The following FOXP1 variants were observed in gnomAD, a reference collection of about 807,000 sequenced individuals.
FOXP1 encodes the protein forkhead box protein P1.
FOXP1 carries 15 observed loss-of-function variants against 98.2 expected under a neutral mutation model. The observed-to-expected ratio is 0.15, with a 90% CI of 0.10 to 0.24. The LOEUF (loss-of-function observed/expected upper bound fraction) is 0.24. Among genes scored for constraint, FOXP1 ranks in the 10% least tolerant of loss-of-function variants. The probability of loss-of-function intolerance (pLI) is 1.00; values close to 1 mark genes in which losing one functional copy is unlikely to be tolerated. For synonymous variants in FOXP1, 371 were observed against 314.5 expected (o/e 1.18, Z -1.90); for missense variants, 633 against 848.5 (o/e 0.75, Z 3.15).
chr3:71,086,091 G>C (rs1466662707), intron 7 of FOXP1, among the ~76,000 whole-genome samples: 1 of 152,138 alleles, frequency 6.6e-6, no homozygotes, highest in Non-Finnish European at 1.5e-5. Flanking sequence ...GGCAGGTCAC[G>C]ATTCAAACAT....
At chr3:71,359,579 C>CG (rs2078408511) in intron 3 of FOXP1, among the ~76,000 whole-genome samples, 1 of 152,126 alleles carries the variant, frequency 6.6e-6, no homozygotes, top group Non-Finnish European at 1.5e-5. Flanking sequence ...GACAGGGTCT[C>CG]GCTCTGCCAC....
chr3:71,055,643 G>T (rs1031943553), intron 7 of FOXP1, among the ~76,000 whole-genome samples: 3 of 152,164 alleles, frequency 2.0e-5, no homozygotes, highest in Non-Finnish European at 2.9e-5. Context: ...ATTCCAGTTA[G>T]TCTACTTTGT....
rs1489887205 is a variant in FOXP1 at position 71,299,814 on chromosome 3, A to C, written c.-12+6T>G. On this transcript the variant is annotated splice_donor_region_variant and intron_variant, in intron 5 of 20. Transcript: ENST00000649528. ...ATATAACTTCACTAATCACATTTGCATTTACCTTTTTTGGCTTCTGTAAAG... is the reference window on the plus strand; with the variant it reads ...ATATAACTTCACTAATCACATTTGCCTTTACCTTTTTTGGCTTCTGTAAAG... 1 of 152,686 alleles carries C rather than the reference A, an allele frequency of 6.5e-6. No homozygotes were observed. The highest frequency in any genetic ancestry group is 2.4e-5 in the African/African-American group (1 of 41,472). 9.5% of individuals were successfully genotyped at this position (152,686 alleles called of 1,614,324 possible).
At chr3:71,041,207 T>C in intron 11 of FOXP1, 121 bp downstream of exon 11, 1 of 800,400 alleles carries the variant, frequency 1.2e-6, no homozygotes, top group Non-Finnish European at 2.2e-6. Flanking sequence ...TCCTCAGTAA[T>C]TATATGCACA....
chr3:71,126,515 A>G lies in FOXP1; in HGVS notation c.181-13878T>C, dbSNP rs532342137. Reference sequence around the variant, plus strand: ...AAAAAATAATCAAATAAATAAAAATAAAAAGAAAAGAAAAGAAATTTTCTT... The same window carrying G: ...AAAAAATAATCAAATAAATAAAAATGAAAAGAAAAGAAAAGAAATTTTCTT... On this transcript the variant is annotated intron_variant, in intron 6 of 20. Coordinates refer to ENST00000649528, the MANE Select transcript of FOXP1 (RefSeq NM_001349338.3). 1.7e-4 allele frequency among the ~76,000 whole-genome samples: 25 copies of G among 151,468 alleles called. No homozygotes were observed. The South Asian group carries it at 2.5e-3, about 15-fold the overall frequency.
chr3:71,288,305 A>C (rs946947197), intron 5 of FOXP1: 1 of 152,196 alleles, frequency 6.6e-6, no homozygotes, highest in Non-Finnish European at 1.5e-5. Flanking sequence ...TGTTTTTGTA[A>C]TTAACCTACC....
intron 4 of FOXP1, among the ~76,000 whole-genome samples, chr3:71,315,964 T>C (rs2075051286): frequency 6.6e-6 from 1 of 152,162 alleles, no homozygotes. Context: ...TTTAACCAAC[T>C]CTGGTTTGAA....
intron 7 of FOXP1, chr3:71,064,774 A>G (rs1450778930): frequency 1.0e-6 from 1 of 984,128 alleles, no homozygotes; most frequent in Non-Finnish European, 1.2e-6. Flanking sequence ...GGCGCCGCGG[A>G]GCCGGGGGAA....
chr3:71,087,932 G>A (rs2055315412), intron 7 of FOXP1, among the ~76,000 whole-genome samples: 1 of 152,164 alleles, frequency 6.6e-6, no homozygotes, highest in Non-Finnish European at 1.5e-5. Context: ...TGTGGGGAGA[G>A]AAAGGGGAAA....
At chr3:71,395,551 G>T (rs900776860) in intron 3 of FOXP1, among the ~76,000 whole-genome samples, 1 of 151,482 alleles carries the variant, frequency 6.6e-6, no homozygotes, top group African/African-American at 2.4e-5. Context: ...ACTGGCCCAG[G>T]GGCACTCCTT....
chr3:71,533,990 T>G (rs2044076886), intron 2 of FOXP1, among the ~76,000 whole-genome samples: 1 of 152,188 alleles, frequency 6.6e-6, no homozygotes, highest in Non-Finnish European at 1.5e-5. Flanking sequence ...GTTGTCCGTC[T>G]GTATATTGGG....
At chr3:71,286,748 T>C (rs1576775078) in intron 5 of FOXP1, among the ~76,000 whole-genome samples, 2 of 152,158 alleles carry the variant, frequency 1.3e-5, no homozygotes, top group South Asian at 4.1e-4. Flanking sequence ...TGTCTAGAAA[T>C]GTTGTCATCA....
intron 6 of FOXP1, among the ~76,000 whole-genome samples, chr3:71,184,293 G>A (rs1015599682): frequency 1.3e-5 from 2 of 152,160 alleles, no homozygotes; most frequent in Non-Finnish European, 2.9e-5. Flanking sequence ...GCCTCTTGAT[G>A]TCCAATGCCA....
chr3:71,396,875 T>C (rs1434637532), intron 3 of FOXP1, among the ~76,000 whole-genome samples: 1 of 140,232 alleles, frequency 7.1e-6, no homozygotes, highest in African/African-American at 2.7e-5. Flanking sequence ...TTCATCTCCG[T>C]ATAAGGTTCA....
At chr3:71,150,562 TCCTTAACAC>T (rs1439727243) in intron 6 of FOXP1, among the ~76,000 whole-genome samples, 1 of 152,158 alleles carries the variant, frequency 6.6e-6, no homozygotes, top group African/African-American at 2.4e-5. Context: ...TGAAAATTAA[TCCTTAACAC>T]CCTCCAACTT....
chr3:71,363,127 T>TA (rs61474468), intron 3 of FOXP1, among the ~76,000 whole-genome samples: 5,831 of 147,632 alleles, frequency 0.039, 342 homozygotes, highest in African/African-American at 0.13. Context: ...TGAATAACTT[T>TA]AAAAAAAAAA....
chr3:71,436,315 A>G (rs952607708), intron 3 of FOXP1, among the ~76,000 whole-genome samples: 4 of 152,124 alleles, frequency 2.6e-5, no homozygotes, highest in African/African-American at 7.2e-5. Flanking sequence ...AAATCCTAAG[A>G]TGCAGCCTGG....
intron 4 of FOXP1, among the ~76,000 whole-genome samples, chr3:71,305,509 C>A (rs550458228): frequency 1.3e-5 from 2 of 152,122 alleles, no homozygotes; most frequent in African/African-American, 2.4e-5. Context: ...GACAATACAG[C>A]GGCAGAGTTT....
At chr3:71,525,743 A>T (rs889177329) in intron 2 of FOXP1, among the ~76,000 whole-genome samples, 1 of 152,184 alleles carries the variant, frequency 6.6e-6, no homozygotes, top group Non-Finnish European at 1.5e-5. Context: ...AATAATCCAT[A>T]GAAAGTTTCT....
Sources: gnomAD v4.1 joint callset for allele counts (sites outside exome capture counted in the v4.1 genomes callset) on GRCh38, gnomAD v4.1.1 for gene constraint, MANE v1.5 for transcripts, NCBI Gene and HGNC (gene_info 2026-07-23, HGNC 2026-07-21) for gene names.